Variants in WWOX observed in about 807,000 individuals in gnomAD.
WWOX encodes the protein WW domain-containing oxidoreductase.
Under a neutral mutation model 46.2 loss-of-function variants are expected in WWOX, and 69 were observed. The ratio of observed to expected loss-of-function variants is 1.49; its 90% CI spans 1.23 to 1.82. The LOEUF is 1.82. Ranked by LOEUF, WWOX falls within the 40% of genes most tolerant of loss-of-function variation. The pLI is 0.00. For missense variants in WWOX, 919 were observed against 542.6 expected, an observed-to-expected ratio of 1.69 and a Z score of -6.89; for synonymous variants, 359 against 202.6, an observed-to-expected ratio of 1.77 and a Z score of -6.56.
At chr16:79,105,646 G>A (rs1347751887) in intron 8 of WWOX, among the ~76,000 whole-genome samples, 2 of 151,284 alleles carry the variant, frequency 1.3e-5, no homozygotes, top group East Asian at 1.9e-4. Context: ...ATAGAATACT[G>A]TGAATGTCTT....
intron 8 of WWOX, among the ~76,000 whole-genome samples, chr16:79,032,968 G>C (rs1386511832): frequency 6.6e-6 from 1 of 151,320 alleles, no homozygotes; most frequent in Non-Finnish European, 1.5e-5. Flanking sequence ...CCCTCTTTGT[G>C]TCTATGTGCT....
rs1305029238 is a variant in WWOX, at chr16:78,873,294, C to G, written c.1057-338314C>G. The G allele has an allele frequency of 2.0e-5, 3 of 152,170 alleles. 1 individual carries two copies. The highest frequency in any genetic ancestry group is 4.4e-5 in the Non-Finnish European group (3 of 68,030). 9.4% of individuals were successfully genotyped at this position (152,170 alleles called of 1,614,324 possible). ...AATGTCACTAATTACCAACGTGTAGCTCCTAATTGGAATTAAGAAGGGACT... is the reference window on the plus strand; with the variant it reads ...AATGTCACTAATTACCAACGTGTAGGTCCTAATTGGAATTAAGAAGGGACT... On this transcript the variant is annotated intron_variant, in intron 8 of 8. Transcript: ENST00000566780.
chr16:79,121,620 A>G lies in WWOX; in HGVS notation c.1057-89988A>G, dbSNP rs1310965996. Among the ~76,000 whole-genome samples, 4 of 152,252 alleles carry G rather than the reference A, an allele frequency of 2.6e-5. No individual in the cohort carries two copies. The South Asian group carries it at 6.2e-4, about 24-fold the overall frequency. On this transcript the variant is annotated intron_variant, in intron 8 of 8. Transcript: ENST00000566780. ...GAGGTGGAGTTTGCAGTAGGATTTC[A>G]AAGACTCCATGGAGTCCAAAAGGTG... is the stretch of plus-strand genomic sequence containing the variant.
intron 8 of WWOX, among the ~76,000 whole-genome samples, chr16:79,125,932 C>T (rs2049744044): frequency 6.6e-6 from 1 of 152,212 alleles, no homozygotes; most frequent in Admixed American, 6.5e-5. Flanking sequence ...AGACTGTCAT[C>T]TCTGTGAGTG....
intron 8 of WWOX, among the ~76,000 whole-genome samples, chr16:78,469,284 G>C (rs1278376523): frequency 6.6e-6 from 1 of 152,184 alleles, no homozygotes; most frequent in Non-Finnish European, 1.5e-5. Context: ...GTACTATGAA[G>C]ACATTTCCCT....
intron 8 of WWOX, among the ~76,000 whole-genome samples, chr16:78,960,656 A>T (rs76194521): frequency 4.5e-4 from 68 of 152,338 alleles, no homozygotes; most frequent in African/African-American, 1.6e-3. Context: ...TCTGGAGGGA[A>T]CAGAGAGCCA....
chr16:78,917,561 C>T (rs529918040), intron 8 of WWOX, among the ~76,000 whole-genome samples: 2 of 152,040 alleles, frequency 1.3e-5, no homozygotes, highest in East Asian at 3.9e-4. Flanking sequence ...TAACCCCCAA[C>T]CACTGTCACT....
At chr16:78,820,966 C>T (rs929197023) in intron 8 of WWOX, among the ~76,000 whole-genome samples, 1 of 152,172 alleles carries the variant, frequency 6.6e-6, no homozygotes, top group Non-Finnish European at 1.5e-5. Flanking sequence ...CTTACAAGGA[C>T]ACCAGTCATT....
intron 8 of WWOX, among the ~76,000 whole-genome samples, chr16:78,894,025 T>TATC (rs2044648179): frequency 6.9e-6 from 1 of 144,656 alleles, no homozygotes; most frequent in Admixed American, 7.1e-5. Context: ...AGGCTTTTAT[T>TATC]ATTATTATTA....
intron 8 of WWOX, among the ~76,000 whole-genome samples, chr16:78,679,925 G>A (rs912343708): frequency 6.6e-6 from 1 of 152,184 alleles, no homozygotes; most frequent in Non-Finnish European, 1.5e-5. Flanking sequence ...AATGGCAGCT[G>A]AGTGCTTTTG....
At chr16:78,242,837 A>G (rs1273249527) in intron 5 of WWOX, among the ~76,000 whole-genome samples, 6 of 152,036 alleles carry the variant, frequency 3.9e-5, no homozygotes, top group African/African-American at 1.4e-4. Flanking sequence ...GTGAAACCCT[A>G]TCTCTACTAA....
At chr16:78,569,178 G>A (rs1172174159) in intron 8 of WWOX, among the ~76,000 whole-genome samples, 3 of 152,146 alleles carry the variant, frequency 2.0e-5, no homozygotes, top group Non-Finnish European at 2.9e-5. Context: ...GCAGAAATGT[G>A]ACTTTCTGTA....
intron 8 of WWOX, among the ~76,000 whole-genome samples, chr16:78,807,046 A>G (rs1048722099): frequency 1.3e-5 from 2 of 151,792 alleles, no homozygotes; most frequent in African/African-American, 2.4e-5. Context: ...GGATTATGCA[A>G]ATAAAATCTG....
intron 6 of WWOX, among the ~76,000 whole-genome samples, chr16:78,404,053 C>T (rs1041419548): frequency 7.2e-5 from 11 of 152,008 alleles, no homozygotes; most frequent in East Asian, 3.9e-4. Context: ...AAGGGCGAGG[C>T]GAGGCTAAAA....
At chr16:78,930,965 C>T (rs151163777) in intron 8 of WWOX, among the ~76,000 whole-genome samples, 84 of 152,244 alleles carry the variant, frequency 5.5e-4, no homozygotes, top group African/African-American at 2.0e-3. Context: ...CTGGACATGT[C>T]ACTAGCAGCC....
At chr16:78,444,158 G>C (rs550621726) in intron 8 of WWOX, among the ~76,000 whole-genome samples, 168 of 152,288 alleles carry the variant, frequency 1.1e-3, no homozygotes, top group African/African-American at 3.9e-3. Context: ...TTGCAAATCA[G>C]CTGAGCACAT....
chr16:78,862,305 C>G (rs1028288229), intron 8 of WWOX, among the ~76,000 whole-genome samples: 1 of 151,016 alleles, frequency 6.6e-6, no homozygotes, highest in East Asian at 1.9e-4. Flanking sequence ...TCTATACACA[C>G]CTATGGGTGT....
At chr16:79,186,911 A>G (rs545563091) in intron 8 of WWOX, among the ~76,000 whole-genome samples, 12 of 152,178 alleles carry the variant, frequency 7.9e-5, no homozygotes, top group Non-Finnish European at 1.3e-4. Flanking sequence ...ACTGCAGTGA[A>G]TGTTCACTCC....
rs565855020 is a variant in WWOX, at chr16:78,222,824, G to A, written c.516+58535G>A. ...ATTTCAGTTTTATGGTGCTGAAGAA[G>A]TGACACGCGCTCCAGATAAGTAATC... On this transcript the variant is annotated intron_variant, in intron 5 of 8. Transcript: ENST00000566780. Among the ~76,000 whole-genome samples the A allele has an allele frequency of 9.8e-5, 15 of 152,334 alleles. No individual in the cohort carries two copies. In the South Asian group the frequency reaches 3.1e-3, roughly 32 times the overall value.
Sources: gnomAD v4.1 joint callset for allele counts (sites outside exome capture counted in the v4.1 genomes callset) on GRCh38, gnomAD v4.1.1 for gene constraint, MANE v1.5 for transcripts, NCBI Gene and HGNC (gene_info 2026-07-23, HGNC 2026-07-21) for gene names.